The following SLC19A3 variants were observed in gnomAD, a reference collection of about 807,000 sequenced individuals.
SLC19A3 encodes solute carrier family 19 member 3, also known as thiamine transporter 2.
In SLC19A3, 31 loss-of-function variants were observed where a neutral mutation model predicts 40.2. The ratio of observed to expected loss-of-function variants is 0.77; its 90% CI spans 0.58 to 1.04. The LOEUF (loss-of-function observed/expected upper bound fraction) is 1.04. SLC19A3 is among the 50% of genes least tolerant of loss of function. SLC19A3 has a pLI of 0.00. For synonymous variants in SLC19A3, 212 were observed against 227.5 expected (o/e 0.93, Z 0.61); for missense variants, 592 against 596.7 (o/e 0.99, Z 0.08).
intron 1 of SLC19A3, among the ~76,000 whole-genome samples, chr2:227,707,122 C>T (rs879592803): frequency 3.3e-5 from 5 of 152,194 alleles, no homozygotes; most frequent in Non-Finnish European, 7.3e-5. Flanking sequence ...TGTTGCAGCA[C>T]ACCACATGAG....
At chr2:227,700,627 G>A (rs112719209) in intron 2 of SLC19A3, among the ~76,000 whole-genome samples, 80 of 152,320 alleles carry the variant, frequency 5.3e-4, no homozygotes, top group African/African-American at 1.9e-3. Flanking sequence ...CATCTGGAAA[G>A]ATATGGGAAA....
At chr2:227,702,140 C>T in intron 2 of SLC19A3, 29 bp downstream of exon 2, 1 of 1,595,000 alleles carries the variant, frequency 6.3e-7, no homozygotes, top group Non-Finnish European at 8.6e-7. Context: ...TAAAAAACCA[C>T]ATTAAGATAT....
chr2:227,688,909 T>A (rs1403907561), intron 4 of SLC19A3, among the ~76,000 whole-genome samples: 1 of 152,118 alleles, frequency 6.6e-6, no homozygotes, highest in Non-Finnish European at 1.5e-5. Context: ...TTCTGTCAGA[T>A]AAATTTAATA....
At chr2:227,690,633 G>C (rs945197802) in intron 4 of SLC19A3, among the ~76,000 whole-genome samples, 1 of 149,538 alleles carries the variant, frequency 6.7e-6, no homozygotes, top group Admixed American at 6.7e-5. Context: ...TGTGAACCCG[G>C]GAGGTGGAGC....
chr2:227,716,304 G>A (rs961674481), intron 1 of SLC19A3, among the ~76,000 whole-genome samples: 1 of 152,078 alleles, frequency 6.6e-6, no homozygotes, highest in Non-Finnish European at 1.5e-5. Context: ...ATCTACGAAT[G>A]TACCCATTCT....
rs1553566967 is a variant in SLC19A3, at chr2:227,685,003, A to AG, written c.*2393_*2394insC. 4.0e-5 allele frequency: 6 copies of AG among 149,880 alleles called. No individual in the cohort carries two copies. Among genetic ancestry groups the AG allele is most frequent in the African/African-American group, 1.2e-4 (5 of 40,330 alleles). The allele number at this position is 149,880 out of a possible 1,614,324, so 9.3% of individuals were successfully genotyped here. ...ATCAAAAAAAAAAAAAAAAAAAAAA[A>AG]AAGAAGAAGAAGAAAAAGAATAGCG... On this transcript the variant is annotated 3_prime_UTR_variant, in exon 6 of 6. Transcript: ENST00000644224.
At chr2:227,710,120 T>C (rs1044994395) in intron 1 of SLC19A3, among the ~76,000 whole-genome samples, 8 of 152,000 alleles carry the variant, frequency 5.3e-5, no homozygotes, top group Admixed American at 4.6e-4. Flanking sequence ...CAGGTGGTAA[T>C]GCTTGCTTGC....
Position 227,702,326 on chromosome 2 carries a change from C to G in SLC19A3, c.-2-6G>C. On this transcript the variant is annotated splice_polypyrimidine_tract_variant and splice_region_variant and intron_variant, in intron 1 of 5. Coordinates refer to ENST00000644224, the MANE Select transcript of SLC19A3 (RefSeq NM_025243.4). ...AGTTCTGTAACAATCCATGGCTGAT[C>G]AAATGGAAACAAAGAGAAAATTAAG... The G allele has an allele frequency of 6.2e-7, 1 of 1,613,164 alleles. No homozygotes were observed. Among genetic ancestry groups the G allele is most frequent in the Non-Finnish European group, 8.5e-7 (1 of 1,179,684 alleles).
intron 1 of SLC19A3, among the ~76,000 whole-genome samples, chr2:227,705,945 G>A (rs1186053060): frequency 1.3e-5 from 2 of 152,068 alleles, no homozygotes; most frequent in African/African-American, 4.8e-5. Context: ...CTACTTGGGA[G>A]GCTGAGGTGA....
In SLC19A3 at chr2:227,698,771, T is replaced by C; in HGVS notation, c.944A>G (p.Tyr315Cys). 1.2e-6 allele frequency: 2 copies of C among 1,614,130 alleles called. No individual in the cohort carries two copies. Among genetic ancestry groups the C allele is most frequent in the Non-Finnish European group, 1.7e-6 (2 of 1,180,044 alleles). ...TGCAATAGCTTCTACGGCCCCATTA[T>C]AGATGGAAGAATCTTGGGATGGCGC... ...YKAPSQDSSI[Y>C]NGAVEAIATF... Residue 315 changes from tyrosine (Y) to cysteine (C), a missense_variant, in exon 3 of 6, where the codon TAT (tyrosine) becomes TGT (cysteine). Physicochemically the swap from Tyr to Cys is radical, Grantham distance 194 (BLOSUM62 -2). Coordinates refer to ENST00000644224, the MANE Select transcript of SLC19A3 (RefSeq NM_025243.4).
chr2:227,707,880 A>G (rs1463516806), intron 1 of SLC19A3, among the ~76,000 whole-genome samples: 1 of 152,132 alleles, frequency 6.6e-6, no homozygotes, highest in African/African-American at 2.4e-5. Flanking sequence ...GGTGCCTGCC[A>G]CCATGCCTGG....
Position 227,699,052 on chromosome 2 carries a change from G to A in SLC19A3, c.663C>T (p.His221=), listed in dbSNP as rs141096991. 4 of 1,614,052 alleles carry A rather than the reference G, an allele frequency of 2.5e-6. No individual in the cohort carries two copies. In the African/African-American group the frequency reaches 5.3e-5, roughly 22 times the overall value. The change falls in exon 3 of 6, where the codon CAC becomes CAT. Residue 221 remains histidine (H), a synonymous_variant. Coordinates refer to ENST00000644224, the MANE Select transcript of SLC19A3 (RefSeq NM_025243.4). ...SSVNPVLEET[H]EGEAPGCEEQ... is the part of the protein sequence containing the mutation. The stretch of plus-strand genomic sequence containing the variant: ...CTTCACAGCCTGGTGCTTCACCTTC[G>A]TGAGTTTCCTCTAATACTGGATTCA...
At position 227,687,246 on chromosome 2, in the gene SLC19A3, A is replaced by T; in HGVS notation, c.*151T>A. 1 of 754,496 alleles carries T rather than the reference A, an allele frequency of 1.3e-6. No homozygotes were observed. The highest frequency in any genetic ancestry group is 2.1e-6 in the Non-Finnish European group (1 of 471,686). 46.7% of individuals were successfully genotyped at this position (754,496 alleles called of 1,614,324 possible). On this transcript the variant is annotated 3_prime_UTR_variant, in exon 6 of 6. Coordinates refer to ENST00000644224, the MANE Select transcript of SLC19A3 (RefSeq NM_025243.4). ...TTGGTCACATAGAGAACTCATCTAA[A>T]ACTGAGGTTTTGTTGTGGTTTTGAA...
At chr2:227,692,352 A>G (rs1016130806) in intron 4 of SLC19A3, among the ~76,000 whole-genome samples, 7 of 152,264 alleles carry the variant, frequency 4.6e-5, no homozygotes, top group African/African-American at 1.2e-4. Flanking sequence ...AAGATAATCT[A>G]TCATGACTAA....
At chr2:227,714,653 T>G in intron 1 of SLC19A3, 1 of 972,108 alleles carries the variant, frequency 1.0e-6, no homozygotes, top group Non-Finnish European at 1.2e-6. Context: ...GGTGGCTTTA[T>G]GTACTGGGGC....
intron 1 of SLC19A3, among the ~76,000 whole-genome samples, chr2:227,711,769 G>A (rs951814300): frequency 2.0e-5 from 3 of 152,032 alleles, no homozygotes; most frequent in Non-Finnish European, 4.4e-5. Flanking sequence ...TGGAAAGGAG[G>A]CTGGGCACCG....
intron 4 of SLC19A3, among the ~76,000 whole-genome samples, chr2:227,691,625 G>GA (rs1032274467): frequency 2.7e-5 from 4 of 147,538 alleles, no homozygotes; most frequent in Non-Finnish European, 3.0e-5. Flanking sequence ...AAGAAAAGAA[G>GA]AAAAAAAAAG....
At position 227,688,223 on chromosome 2, in the gene SLC19A3, G is replaced by A; in HGVS notation, c.1257C>T (p.Thr419=). ...INTFIALVIQ[T]IMTVIVVDQR... is the part of the protein sequence containing the mutation. ...GATCTACTACAATCACAGTCATGAT[G>A]GTCTGAATCACCAAGGCAATAAAGG... The change falls in exon 5 of 6, where the codon ACC becomes ACT. Residue 419 remains threonine, a synonymous_variant. Coordinates refer to ENST00000644224, the MANE Select transcript of SLC19A3 (RefSeq NM_025243.4). 1 of 1,614,014 alleles carries A rather than the reference G, an allele frequency of 6.2e-7. No individual in the cohort carries two copies. Among genetic ancestry groups the A allele is most frequent in the Non-Finnish European group, 8.5e-7 (1 of 1,179,930 alleles).
chr2:227,717,293 C>T (rs770207508), intron 1 of SLC19A3, among the ~76,000 whole-genome samples: 1 of 152,286 alleles, frequency 6.6e-6, no homozygotes, highest in African/African-American at 2.4e-5. Flanking sequence ...TGAGCCACTG[C>T]GCCTGGCCTG....
Sources: allele counts gnomAD v4.1 joint callset (sites outside exome capture counted in the v4.1 genomes callset), GRCh38; gene constraint gnomAD v4.1.1; transcripts MANE v1.5; gene names NCBI Gene and HGNC (gene_info 2026-07-23, HGNC 2026-07-21).